Variants in CDC42SE2 observed in about 807,000 individuals in gnomAD.
The protein encoded by CDC42SE2 is CDC42 small effector 2, also known as CDC42 small effector protein 2.
A neutral mutation model predicts 11.5 loss-of-function variants in CDC42SE2; 3 were observed. The observed-to-expected ratio is 0.26, with a 90% CI of 0.12 to 0.67. CDC42SE2 has a LOEUF of 0.67. Ranked by LOEUF, CDC42SE2 falls within the 30% of genes least tolerant of loss-of-function variation. CDC42SE2 has a pLI of 0.80. For synonymous variants in CDC42SE2, 33 were observed against 34.8 expected (o/e 0.95, Z 0.18); for missense variants, 82 against 106.8 (o/e 0.77, Z 1.02).
chr5:131,306,463 T>G (rs1361662209), intron 1 of CDC42SE2, among the ~76,000 whole-genome samples: 2 of 152,168 alleles, frequency 1.3e-5, no homozygotes, highest in African/African-American at 2.4e-5. Flanking sequence ...GTATTTCCGT[T>G]TTTATGCCAG....
the CDC42SE2 span, among the ~76,000 whole-genome samples, chr5:131,238,341 C>T: frequency 6.6e-6 from 1 of 151,642 alleles, no homozygotes; most frequent in East Asian, 1.9e-4. Context: ...ACTAAAACTA[C>T]GAAAACAAAA....
At chr5:131,366,733 T>C (rs1580781832) in intron 3 of CDC42SE2, among the ~76,000 whole-genome samples, 1 of 152,112 alleles carries the variant, frequency 6.6e-6, no homozygotes, top group Admixed American at 6.6e-5. Context: ...GTACAAAAAT[T>C]ATAAAACAGG....
At chr5:131,272,984 T>C (rs2149694993) in intron 1 of CDC42SE2, among the ~76,000 whole-genome samples, 1 of 152,240 alleles carries the variant, frequency 6.6e-6, no homozygotes, top group South Asian at 2.1e-4. Flanking sequence ...ACTGCCTGTT[T>C]TCAGTTTCTT....
At chr5:131,223,292 C>A in the CDC42SE2 span, among the ~76,000 whole-genome samples, 8 of 152,092 alleles carry the variant, frequency 5.3e-5, 1 homozygote, top group Non-Finnish European at 1.5e-5. Context: ...CCTAAAAATA[C>A]CTGGAGCGTG....
intron 1 of CDC42SE2, among the ~76,000 whole-genome samples, chr5:131,252,059 TGGAAGGAAGGAAGGAAGGAA>T (rs60052435): frequency 5.1e-5 from 6 of 118,090 alleles, no homozygotes; most frequent in African/African-American, 1.5e-4. Context: ...AGAGAATGAG[TGGAAGGAAGGAAGGAAGGAA>T]GGAAGGAAGG....
chr5:131,329,336 C>T (rs1271724237), intron 2 of CDC42SE2, among the ~76,000 whole-genome samples: 1 of 152,018 alleles, frequency 6.6e-6, no homozygotes, highest in East Asian at 1.9e-4. Flanking sequence ...GTTTTTGTTC[C>T]CTTTTGTTGT....
chr5:131,276,281 C>CA (rs59001427), intron 1 of CDC42SE2, among the ~76,000 whole-genome samples: 94,422 of 126,022 alleles, frequency 0.75, 34,883 homozygotes, highest in Middle Eastern at 0.79. Flanking sequence ...ACCCCATCTA[C>CA]AAAAAAAAAA....
chr5:131,213,739 C>G, the CDC42SE2 span, among the ~76,000 whole-genome samples: 1 of 152,228 alleles, frequency 6.6e-6, no homozygotes, highest in African/African-American at 2.4e-5. Flanking sequence ...GCATGAACCA[C>G]TGCACCCAGC....
the CDC42SE2 span, among the ~76,000 whole-genome samples, chr5:131,220,367 G>C: frequency 1.3e-5 from 2 of 152,032 alleles, no homozygotes; most frequent in East Asian, 3.9e-4. Context: ...CACCAGGCCC[G>C]GCTAATTTTT....
At chr5:131,332,812 G>T (rs1462881079) in intron 2 of CDC42SE2, among the ~76,000 whole-genome samples, 3 of 152,134 alleles carry the variant, frequency 2.0e-5, no homozygotes, top group South Asian at 2.1e-4. Context: ...TTTTGATGGG[G>T]TTGTTTGTTT....
intron 1 of CDC42SE2, among the ~76,000 whole-genome samples, chr5:131,300,753 A>G (rs1235730108): frequency 2.6e-5 from 4 of 151,570 alleles, no homozygotes; most frequent in African/African-American, 9.7e-5. Flanking sequence ...ACTGCACTCC[A>G]GCCTGGGTGA....
chr5:131,211,429 A>T, the CDC42SE2 span, among the ~76,000 whole-genome samples: 2 of 152,202 alleles, frequency 1.3e-5, no homozygotes, highest in African/African-American at 2.4e-5. Context: ...CCATTTAAAG[A>T]TTCTAATTTT....
chr5:131,324,433 A>T (rs887967916), intron 2 of CDC42SE2, among the ~76,000 whole-genome samples: 2 of 152,120 alleles, frequency 1.3e-5, no homozygotes, highest in Non-Finnish European at 2.9e-5. Flanking sequence ...TTGAGAAAAG[A>T]TAATGAAATC....
intron 1 of CDC42SE2, among the ~76,000 whole-genome samples, chr5:131,264,827 A>G (rs1189618005): frequency 6.6e-6 from 1 of 152,234 alleles, no homozygotes; most frequent in African/African-American, 2.4e-5. Flanking sequence ...AACAGCTGAA[A>G]AAGCGCCCCG....
At chr5:131,250,942 T>G (rs1756633998) in intron 1 of CDC42SE2, among the ~76,000 whole-genome samples, 1 of 152,058 alleles carries the variant, frequency 6.6e-6, no homozygotes, top group Admixed American at 6.6e-5. Context: ...ATCCAGCATG[T>G]CAACAAAAGG....
chr5:131,364,031 A>G (rs2149774212), intron 3 of CDC42SE2, among the ~76,000 whole-genome samples: 1 of 152,246 alleles, frequency 6.6e-6, no homozygotes, highest in Non-Finnish European at 1.5e-5. Flanking sequence ...ACGCACTTAC[A>G]GTACATTTGT....
intron 1 of CDC42SE2, among the ~76,000 whole-genome samples, chr5:131,304,698 G>A (rs1048638184): frequency 6.6e-6 from 1 of 152,030 alleles, no homozygotes; most frequent in Non-Finnish European, 1.5e-5. Flanking sequence ...TTAGAGTACT[G>A]TTTTTGGCAT....
chr5:131,337,916 C>G (rs559654830), intron 2 of CDC42SE2, among the ~76,000 whole-genome samples: 1 of 152,218 alleles, frequency 6.6e-6, no homozygotes, highest in Non-Finnish European at 1.5e-5. Flanking sequence ...CTTGCACTTC[C>G]GGGGTGAGGC....
intron 1 of CDC42SE2, among the ~76,000 whole-genome samples, chr5:131,284,015 T>G (rs1374587449): frequency 6.6e-6 from 1 of 152,212 alleles, no homozygotes; most frequent in Non-Finnish European, 1.5e-5. Context: ...ATGGTAACTC[T>G]GTGTTTAATA....
Sources: allele counts gnomAD v4.1 joint callset (sites outside exome capture counted in the v4.1 genomes callset), GRCh38; gene constraint gnomAD v4.1.1; transcripts MANE v1.5; gene names NCBI Gene and HGNC (gene_info 2026-07-23, HGNC 2026-07-21).